The following BCAM variants were observed in gnomAD, a reference collection of about 807,000 sequenced individuals.
BCAM encodes basal cell adhesion molecule.
In BCAM, 61 loss-of-function variants were observed where a neutral mutation model predicts 72.4. That is an observed-to-expected ratio of 0.84 (90% CI 0.69 to 1.04). The LOEUF (loss-of-function observed/expected upper bound fraction) is 1.04. Ranked by LOEUF, BCAM falls within the 50% of genes least tolerant of loss-of-function variation. The probability of loss-of-function intolerance (pLI) is 0.00; values close to 1 mark genes in which losing one functional copy is unlikely to be tolerated. For synonymous variants in BCAM, 408 were observed against 384.2 expected (o/e 1.06, Z -0.73); for missense variants, 909 against 895.0 (o/e 1.02, Z -0.20).
In BCAM at chr19:44,818,453, C is replaced by A; in HGVS notation, c.1079-69C>A. 1.5e-6 allele frequency: 2 copies of A among 1,300,768 alleles called. No homozygotes were observed. The highest frequency in any genetic ancestry group is 2.2e-6 in the Non-Finnish European group (2 of 913,236). 80.6% of individuals were successfully genotyped at this position (1,300,768 alleles called of 1,614,324 possible). A position where few individuals can be genotyped will look rare whatever the true frequency, so the allele number is the denominator to read the frequency against. On this transcript the variant is annotated intron_variant, in intron 8 of 14. Coordinates refer to ENST00000270233, the MANE Select transcript of BCAM (RefSeq NM_005581.5). The surrounding 1 kb of genome is among the most constrained non-coding windows in gnomAD (Gnocchi z 4.6). ...GTCCATTCATGTTTGCACCCCCGACCGCCCCTGGAGAGCCCCTAATTGAGT... is the reference window on the plus strand; with the variant it reads ...GTCCATTCATGTTTGCACCCCCGACAGCCCCTGGAGAGCCCCTAATTGAGT...
chr19:44,812,372 T>C lies in BCAM; in HGVS notation c.414T>C (p.Thr138=). 6.2e-7 allele frequency: 1 copy of C among 1,613,976 alleles called. No homozygotes were observed. The stretch of plus-strand genomic sequence containing the variant: ...GGGCGGCAGGCACTGCTGAGGCCAC[T>C]GCGCGGCTCAACGTGTTTGGTAAGT... The part of the protein sequence containing the change: ...RAGAAGTAEA[T]ARLNVFAKPE... Residue 138 remains threonine (T), a synonymous_variant, in exon 3 of 15, where the codon ACT becomes ACC. Coordinates refer to ENST00000270233, the MANE Select transcript of BCAM (RefSeq NM_005581.5). This position sits in a 1 kb window ranked among gnomAD's most constrained non-coding sequence, Gnocchi z 5.3.
Position 44,819,478 on chromosome 19 carries a change from C to T in BCAM, c.1606C>T (p.His536Tyr), listed in dbSNP as rs1206610050. ...CCACGGGAACAAGCGCCATGTCTTC[C>T]ACTTCGGCACCGGTGAGTGACTGAG... ...NPHGNKRHVF[H>Y]FGTVSPQTSQ... Residue 536 changes from histidine (H) to tyrosine (Y), a missense_variant, in exon 12 of 15, where the codon CAC becomes TAC. By Grantham distance (83) the His-to-Tyr change is moderately conservative. Coordinates refer to ENST00000270233, the MANE Select transcript of BCAM (RefSeq NM_005581.5). 2 of 1,614,006 alleles carry T rather than the reference C, an allele frequency of 1.2e-6. No individual in the cohort carries two copies. Among genetic ancestry groups the T allele is most frequent in the South Asian group, 2.2e-5 (2 of 91,088 alleles).
In BCAM at chr19:44,819,329, G is replaced by C; in HGVS notation, c.1474-17G>C. 1.2e-6 allele frequency: 2 copies of C among 1,613,972 alleles called. No homozygotes were observed. The highest frequency in any genetic ancestry group is 1.7e-6 in the Non-Finnish European group (2 of 1,179,902). ...CCCTTGACCCCACCAGCCGGGGCCT[G>C]ATCGGAGCCTCCATAGCCCGCAGAG... On this transcript the variant is annotated splice_polypyrimidine_tract_variant and intron_variant, in intron 11 of 14. Transcript: ENST00000270233.
In BCAM at chr19:44,812,503, C is replaced by A; in HGVS notation, c.459C>A (p.Ser153=). The A allele has an allele frequency of 6.2e-7, 1 of 1,614,218 alleles. No homozygotes were observed. The change falls in exon 4 of 15, where the codon TCC becomes TCA. Residue 153 remains serine, a synonymous_variant. Transcript: ENST00000270233. This position sits in a 1 kb window ranked among gnomAD's most constrained non-coding sequence, Gnocchi z 5.3. ...VFAKPEATEV[S]PNKGTLSVME... is the part of the protein sequence containing the mutation. ...CAAAGCCAGAGGCCACTGAGGTCTCCCCCAACAAAGGGACACTGTCTGTGA... is the reference window on the plus strand; with the variant it reads ...CAAAGCCAGAGGCCACTGAGGTCTCACCCAACAAAGGGACACTGTCTGTGA...
chr19:44,815,203 A>G (rs566863624), intron 8 of BCAM, among the ~76,000 whole-genome samples: 3 of 151,924 alleles, frequency 2.0e-5, no homozygotes, highest in African/African-American at 4.8e-5. Context: ...AGTCAAGGCT[A>G]TCTCCTCATC....
chr19:44,810,954 T>TA (rs1968409994), intron 1 of BCAM, among the ~76,000 whole-genome samples: 1 of 139,836 alleles, frequency 7.2e-6, no homozygotes, highest in African/African-American at 2.7e-5. Context: ...GGCTGGGGCC[T>TA]GGACTCCTGG....
chr19:44,819,329 G>A lies in BCAM; in HGVS notation c.1474-17G>A. The A allele has an allele frequency of 1.2e-6, 2 of 1,613,972 alleles. No individual in the cohort carries two copies. The highest frequency in any genetic ancestry group is 1.7e-6 in the Non-Finnish European group (2 of 1,179,902). On this transcript the variant is annotated splice_polypyrimidine_tract_variant and intron_variant, in intron 11 of 14. Coordinates refer to ENST00000270233, the MANE Select transcript of BCAM (RefSeq NM_005581.5). The stretch of plus-strand genomic sequence containing the variant: ...CCCTTGACCCCACCAGCCGGGGCCT[G>A]ATCGGAGCCTCCATAGCCCGCAGAG...
At chr19:44,817,664 C>G (rs902471420) in intron 8 of BCAM, among the ~76,000 whole-genome samples, 2 of 152,026 alleles carry the variant, frequency 1.3e-5, no homozygotes, top group Admixed American at 1.3e-4. Flanking sequence ...CCTGCCTCAG[C>G]CTCCCAAGTA....
Position 44,819,391 on chromosome 19 carries a change from C to T in BCAM, c.1519C>T (p.Leu507=), listed in dbSNP as rs1179666908. ...PGRQGWVSSS[L]TLKVTSALSR... Reference sequence around the variant, plus strand: ...ACGGCAGGGTTGGGTGAGCAGCTCTCTGACCCTGAAAGTGACCAGCGCCCT... The same window carrying T: ...ACGGCAGGGTTGGGTGAGCAGCTCTTTGACCCTGAAAGTGACCAGCGCCCT... Residue 507 remains leucine, a synonymous_variant, in exon 12 of 15, where the codon CTG becomes TTG. Transcript: ENST00000270233. The T allele has an allele frequency of 6.2e-7, 1 of 1,614,108 alleles. No individual in the cohort carries two copies. The highest frequency in any genetic ancestry group is 1.1e-5 in the South Asian group (1 of 91,090).
intron 2 of BCAM, 116 bp downstream of exon 2, chr19:44,811,462 G>T (rs1247856821): frequency 6.5e-7 from 1 of 1,534,088 alleles, no homozygotes; most frequent in Non-Finnish European, 8.8e-7. Context: ...CCTTGTTACA[G>T]ATGGGGTCAC....
Position 44,820,700 on chromosome 19 carries a change from C to T in BCAM, c.1764-5C>T. On this transcript the variant is annotated splice_region_variant and splice_polypyrimidine_tract_variant and intron_variant, in intron 13 of 14. Transcript: ENST00000270233. ...ACGCCTCCGCCCGCTGCCTCCTCCC[C>T]CCAGGCCGCCAGGGGAGCCAGGGCT... The T allele has an allele frequency of 2.1e-6, 3 of 1,407,334 alleles. No individual in the cohort carries two copies. Among genetic ancestry groups the T allele is most frequent in the Non-Finnish European group, 2.8e-6 (3 of 1,075,998 alleles). 87.2% of individuals were successfully genotyped at this position (1,407,334 alleles called of 1,614,324 possible). A position where few individuals can be genotyped will look rare whatever the true frequency, so the allele number is the denominator to read the frequency against.
At chr19:44,820,422 C>A in intron 13 of BCAM, 2 of 1,195,622 alleles carry the variant, frequency 1.7e-6, no homozygotes, top group South Asian at 7.9e-5. Flanking sequence ...ACCACATGGC[C>A]GTCCTCACCT....
At position 44,811,362 on chromosome 19, in the gene BCAM, TG is replaced by T. The variant is rs749273265; in HGVS notation, c.204+22del. 21 of 1,611,560 alleles carry T rather than the reference TG, an allele frequency of 1.3e-5. No homozygotes were observed. Among genetic ancestry groups the T allele is most frequent in the Non-Finnish European group, 1.7e-5 (20 of 1,178,776 alleles). On this transcript the variant is annotated intron_variant, in intron 2 of 14. Transcript: ENST00000270233. ...ATGGTTCCTTGTGAGTGCTTGGGGC[TG>T]GGGGGCCTGGAGTCAGGGCACAGCA...
Position 44,820,919 on chromosome 19 carries a change from TG to T in BCAM, c.1886del (p.Ter629=). 1 of 1,562,560 alleles carries T rather than the reference TG, an allele frequency of 6.4e-7. No homozygotes were observed. The highest frequency in any genetic ancestry group is 8.7e-7 in the Non-Finnish European group (1 of 1,154,274). On this transcript the variant is annotated frameshift_variant and stop_lost, in exon 15 of 15. Transcript: ENST00000270233. LOFTEE classifies it high-confidence loss of function. The part of the protein sequence containing the change: ...GGSGGFGDEC[*>X] ...GACCTCTCCATCCGCTCCCCAGTGC[TG>T]AGCCAAGAACCTCCTAGAGGCTGTC...
rs141133602 is a variant in BCAM, at chr19:44,814,242, G to C, written c.875G>C (p.Arg292Pro). 6.3e-7 allele frequency: 1 copy of C among 1,587,514 alleles called. No homozygotes were observed. The highest frequency in any genetic ancestry group is 1.1e-5 in the South Asian group (1 of 87,850). The change falls in exon 7 of 15, where the codon CGG (arginine) becomes CCG (proline). Residue 292 changes from arginine (R) to proline (P), a missense_variant. Coordinates refer to ENST00000270233, the MANE Select transcript of BCAM (RefSeq NM_005581.5). This position sits in a 1 kb window ranked among gnomAD's most constrained non-coding sequence, Gnocchi z 4.6. ...REGDTVQLLC[R>P]GDGSPSPEYT... ...GGTGACACTGTCCAGCTGCTCTGCC[G>C]GGGGGACGGCAGCCCCAGCCCGGAG...
rs762306931 is a variant in BCAM at position 44,820,702 on chromosome 19, C to T, written c.1764-3C>T. 3.6e-6 allele frequency: 5 copies of T among 1,407,832 alleles called. No homozygotes were observed. The highest frequency in any genetic ancestry group is 4.6e-6 in the Non-Finnish European group (5 of 1,076,188). 87.2% of individuals were successfully genotyped at this position (1,407,832 alleles called of 1,614,324 possible). On this transcript the variant is annotated splice_region_variant and splice_polypyrimidine_tract_variant and intron_variant, in intron 13 of 14. Transcript: ENST00000270233. ...GCCTCCGCCCGCTGCCTCCTCCCCC[C>T]AGGCCGCCAGGGGAGCCAGGGCTGA...
At chr19:44,811,085 G>A in intron 1 of BCAM, 140 bp from the exon 2 acceptor site, 1 of 1,260,430 alleles carries the variant, frequency 7.9e-7, no homozygotes, top group Non-Finnish European at 1.1e-6. Context: ...TCTGAGGGAG[G>A]AGGGGCTGGC....
rs192417687 is a variant in BCAM, at chr19:44,818,660, C to T, written c.1194+23C>T. ...AAGGTGAGAGGGAGAGGAGCCCCCT[C>T]GGGCCCTGCACTCGCACCCTCCTCT... On this transcript the variant is annotated intron_variant, in intron 9 of 14. Transcript: ENST00000270233. The surrounding 1 kb of genome is among the most constrained non-coding windows in gnomAD (Gnocchi z 4.6). The T allele has an allele frequency of 2.5e-3, 3,974 of 1,612,404 alleles. 6 individuals carry two copies. The highest frequency in any genetic ancestry group is 2.9e-3 in the Non-Finnish European group (3,399 of 1,178,710).
Position 44,814,344 on chromosome 19 carries a change from C to A in BCAM, c.921+56C>A. The A allele has an allele frequency of 6.5e-7, 1 of 1,544,326 alleles. No homozygotes were observed. The highest frequency in any genetic ancestry group is 8.6e-7 in the Non-Finnish European group (1 of 1,156,162). ...ACCCCCCAGCCCCTGACCTCTGTGACCTGCTAACCTGCATAACTTCTAATG... is the reference window on the plus strand; with the variant it reads ...ACCCCCCAGCCCCTGACCTCTGTGAACTGCTAACCTGCATAACTTCTAATG... On this transcript the variant is annotated intron_variant, in intron 7 of 14. Transcript: ENST00000270233. The surrounding 1 kb of genome is among the most constrained non-coding windows in gnomAD (Gnocchi z 4.6).
Sources: gnomAD v4.1 joint callset for allele counts (sites outside exome capture counted in the v4.1 genomes callset) on GRCh38, gnomAD v4.1.1 for gene constraint, Gnocchi (gnomAD v3.1) non-coding constraint, MANE v1.5 for transcripts, NCBI Gene and HGNC (gene_info 2026-07-23, HGNC 2026-07-21) for gene names.